DENND2D: variants seen among roughly 807,000 people sequenced by gnomAD.
DENND2D encodes the protein DENN domain-containing protein 2D.
Under a neutral mutation model 59.8 loss-of-function variants are expected in DENND2D, and 37 were observed. The observed-to-expected ratio is 0.62, with a 90% CI of 0.48 to 0.81. The LOEUF is 0.81. Among genes scored for constraint, DENND2D ranks in the 40% least tolerant of loss-of-function variants. The pLI is 0.00. For missense variants in DENND2D, 525 were observed against 579.7 expected (o/e 0.91, Z 0.97); for synonymous variants, 219 against 211.3 (o/e 1.04, Z -0.31).
upstream of DENND2D, chr1:111,204,144 A>T: frequency 1.9e-6 from 1 of 526,506 alleles, no homozygotes; most frequent in Non-Finnish European, 2.4e-6. Context: ...CTTCCCGCTC[A>T]CCTGCCCCCG....
At chr1:111,187,730 A>G in intron 11 of DENND2D, 49 bp from the exon 12 acceptor site, 1 of 1,414,812 alleles carries the variant, frequency 7.1e-7, no homozygotes, top group Non-Finnish European at 1.0e-6. Context: ...GGTCAGGCAG[A>G]TTATAATGAG....
At chr1:111,194,469 G>A in intron 7 of DENND2D, 109 bp downstream of exon 7, 1 of 1,272,008 alleles carries the variant, frequency 7.9e-7, no homozygotes. Flanking sequence ...AAACAGGAGG[G>A]TGGGCGCATG....
chr1:111,190,825 G>A (rs531604983), intron 8 of DENND2D, among the ~76,000 whole-genome samples: 1 of 152,320 alleles, frequency 6.6e-6, no homozygotes. Context: ...GGGGAGAAAA[G>A]TTGAACTAGT....
intron 10 of DENND2D, 89 bp downstream of exon 10, chr1:111,188,613 A>G (rs1421946129): frequency 7.6e-7 from 1 of 1,322,704 alleles, no homozygotes; most frequent in African/African-American, 1.5e-5. Context: ...AGGACTACTG[A>G]ATGAGTTCAT....
chr1:111,188,520 G>A (rs1193373271), intron 10 of DENND2D, 150 bp from the exon 11 acceptor site: 36 of 1,306,920 alleles, frequency 2.8e-5, no homozygotes, highest in Non-Finnish European at 3.7e-5. Flanking sequence ...GGGAATCTGG[G>A]TATGAGTTCT....
At chr1:111,204,137 C>A (rs1379481660), upstream of DENND2D, 8 of 549,110 alleles carry the variant, frequency 1.5e-5, no homozygotes, top group Non-Finnish European at 2.0e-5. Flanking sequence ...CGCGCTCCTT[C>A]CCGCTCACCT....
chr1:111,198,303 A>G (rs777522099), intron 3 of DENND2D, among the ~76,000 whole-genome samples: 8 of 152,218 alleles, frequency 5.3e-5, no homozygotes, highest in Non-Finnish European at 1.2e-4. Context: ...GGCTCATGCT[A>G]GAAGGGCCTT....
chr1:111,202,919 T>C (rs1415002152), upstream of DENND2D, among the ~76,000 whole-genome samples: 2 of 125,492 alleles, frequency 1.6e-5, no homozygotes, highest in Non-Finnish European at 3.3e-5. Flanking sequence ...TGCCTGGTGT[T>C]GGGGCAGGGG....
chr1:111,192,445 G>A, intron 7 of DENND2D, 128 bp from the exon 8 acceptor site: 1 of 1,001,530 alleles, frequency 1.0e-6, no homozygotes, highest in South Asian at 3.3e-5. Flanking sequence ...AGGCAAGTCT[G>A]GGGGCCATGC....
intron 5 of DENND2D, 65 bp downstream of exon 5, chr1:111,197,111 C>T (rs1376164441): frequency 5.2e-6 from 8 of 1,543,602 alleles, no homozygotes; most frequent in Non-Finnish European, 4.4e-6. Context: ...CTTAGTTGCA[C>T]AGGCAGGGTT....
At chr1:111,192,848 T>C (rs1657908177) in intron 7 of DENND2D, among the ~76,000 whole-genome samples, 1 of 152,166 alleles carries the variant, frequency 6.6e-6, no homozygotes, top group Non-Finnish European at 1.5e-5. Flanking sequence ...CCCCAGCCTT[T>C]GCCCCCACAC....
intron 8 of DENND2D, among the ~76,000 whole-genome samples, chr1:111,191,132 G>A (rs1657726822): frequency 6.6e-6 from 1 of 152,156 alleles, no homozygotes; most frequent in South Asian, 2.1e-4. Context: ...CTAAACATGG[G>A]GCTAATACTC....
Position 111,195,857 on chromosome 1 carries a change from G to A in DENND2D, c.645+59C>T, listed in dbSNP as rs1019026114. 20 of 1,609,810 alleles carry A rather than the reference G, an allele frequency of 1.2e-5. No homozygotes were observed. The Admixed American group carries it at 1.3e-4, about 11-fold the overall frequency. ...GTTAATGGAAGAACAGTGGTGAGAGGTGCCACAGATGCCTACCCTCTCCAG... is the reference window on the plus strand; with the variant it reads ...GTTAATGGAAGAACAGTGGTGAGAGATGCCACAGATGCCTACCCTCTCCAG... On this transcript the variant is annotated intron_variant, in intron 6 of 11. Transcript: ENST00000357640.
In DENND2D at chr1:111,198,627, T is replaced by G; in HGVS notation, c.356+3A>C. 1 of 1,613,822 alleles carries G rather than the reference T, an allele frequency of 6.2e-7. No homozygotes were observed. The highest frequency in any genetic ancestry group is 1.7e-5 in the Admixed American group (1 of 60,024). On this transcript the variant is annotated splice_donor_region_variant and intron_variant, in intron 3 of 11. Transcript: ENST00000357640. ...ATACCCTTGCCCAGGGCTGAGCAATTACCTGGGATACTCGGTGAGTGATGC... is the reference window on the plus strand; with the variant it reads ...ATACCCTTGCCCAGGGCTGAGCAATGACCTGGGATACTCGGTGAGTGATGC...
rs1657293331 is a variant in DENND2D, at chr1:111,187,063, CAT to C, written c.*540_*541del. The C allele has an allele frequency of 6.5e-6, 1 of 154,004 alleles. No homozygotes were observed. Among genetic ancestry groups the C allele is most frequent in the Non-Finnish European group, 1.4e-5 (1 of 69,342 alleles). 9.5% of individuals were successfully genotyped at this position (154,004 alleles called of 1,614,324 possible). A position where few individuals can be genotyped will look rare whatever the true frequency, so the allele number is the denominator to read the frequency against. On this transcript the variant is annotated 3_prime_UTR_variant, in exon 12 of 12. Coordinates refer to ENST00000357640, the MANE Select transcript of DENND2D (RefSeq NM_024901.5). ...CCCCCCATGATTCTATCACTCCAAA[CAT>C]ATCCCCATGGCCAGGTCTTCCACTT...
In DENND2D at chr1:111,191,080, A is replaced by C. The variant is rs74982786; in HGVS notation, c.972+1060T>G. Among the ~76,000 whole-genome samples the C allele has an allele frequency of 9.2e-4, 140 of 152,248 alleles. 6 individuals are homozygous for C. The East Asian group carries it at 0.027, about 29-fold the overall frequency. Reference sequence around the variant, plus strand: ...GGGAGCTGGAGCTGCAGAGTCAAGAAGTTTCATAATTTCTGGGGTTGGAAC... The same window carrying C: ...GGGAGCTGGAGCTGCAGAGTCAAGACGTTTCATAATTTCTGGGGTTGGAAC... On this transcript the variant is annotated intron_variant, in intron 8 of 11. Coordinates refer to ENST00000357640, the MANE Select transcript of DENND2D (RefSeq NM_024901.5).
chr1:111,188,543 A>G (rs1657436183), intron 10 of DENND2D, among the ~76,000 whole-genome samples, 159 bp downstream of exon 10: 1 of 152,172 alleles, frequency 6.6e-6, no homozygotes, highest in African/African-American at 2.4e-5. Context: ...GCCATTGCTT[A>G]GGAAGAATAC....
intron 4 of DENND2D, 38 bp downstream of exon 4, chr1:111,197,882 A>G (rs772091935): frequency 1.2e-6 from 2 of 1,612,932 alleles, no homozygotes; most frequent in Non-Finnish European, 1.7e-6. Context: ...AGCTGAGCAG[A>G]CTGCAGAAAG....
In DENND2D at chr1:111,186,414, T is replaced by A. The variant is rs1475911003; in HGVS notation, c.*1191A>T. 6.6e-6 allele frequency among the ~76,000 whole-genome samples: 1 copy of A among 152,148 alleles called. No homozygotes were observed. The highest frequency in any genetic ancestry group is 1.5e-5 in the Non-Finnish European group (1 of 68,026). Reference sequence around the variant, plus strand: ...AGGTCTCTGCACTCCCAAAAGCAAATTACATTGGCTTGAACTTCAGTATGC... The same window carrying A: ...AGGTCTCTGCACTCCCAAAAGCAAAATACATTGGCTTGAACTTCAGTATGC... On this transcript the variant is annotated 3_prime_UTR_variant, in exon 12 of 12. Transcript: ENST00000357640.
Sources: gnomAD v4.1 joint callset for allele counts (sites outside exome capture counted in the v4.1 genomes callset) on GRCh38, gnomAD v4.1.1 for gene constraint, MANE v1.5 for transcripts, NCBI Gene and HGNC (gene_info 2026-07-23, HGNC 2026-07-21) for gene names.